Variants in ACSM3 observed in about 807,000 individuals in gnomAD.
The protein encoded by ACSM3 is acyl-coenzyme A synthetase ACSM3, mitochondrial.
A neutral mutation model predicts 74.1 loss-of-function variants in ACSM3; 61 were observed. That is an observed-to-expected ratio of 0.82 (90% CI 0.67 to 1.02). ACSM3 has a LOEUF of 1.02. Among genes scored for constraint, ACSM3 ranks in the 50% least tolerant of loss-of-function variants. The pLI is 0.00. For missense variants in ACSM3, 660 were observed against 697.0 expected (o/e 0.95, Z 0.60); for synonymous variants, 213 against 241.5 (o/e 0.88, Z 1.09).
chr16:20,694,742 G>A (rs141728957), intron 1 of ACSM3, among the ~76,000 whole-genome samples: 24 of 152,258 alleles, frequency 1.6e-4, no homozygotes, highest in African/African-American at 3.8e-4. Flanking sequence ...GGTGAAGTAC[G>A]AACCCCAATA....
At chr16:20,695,619 CCTAT>C (rs1396053136) in intron 1 of ACSM3, among the ~76,000 whole-genome samples, 6 of 151,978 alleles carry the variant, frequency 3.9e-5, no homozygotes, top group South Asian at 4.2e-4. Flanking sequence ...CTATCTATTA[CCTAT>C]CTATTATGTA....
intron 1 of ACSM3, among the ~76,000 whole-genome samples, chr16:20,697,151 C>T (rs373821486): frequency 6.6e-6 from 1 of 152,144 alleles, no homozygotes; most frequent in African/African-American, 2.4e-5. Flanking sequence ...TAGCTCACTG[C>T]AGCCTCAATC....
chr16:20,750,178 CAT>C (rs1295430176), intron 2 of ACSM3, among the ~76,000 whole-genome samples: 1 of 152,216 alleles, frequency 6.6e-6, no homozygotes, highest in Admixed American at 6.5e-5. Context: ...AAACTAGTTA[CAT>C]ATATCTATCC....
intron 1 of ACSM3, among the ~76,000 whole-genome samples, chr16:20,722,891 T>C (rs902867480): frequency 2.0e-5 from 3 of 152,210 alleles, no homozygotes; most frequent in Non-Finnish European, 4.4e-5. Flanking sequence ...GTTTTCTTTT[T>C]ATTAGTATTA....
chr16:20,745,591 A>C (rs866740674), intron 1 of ACSM3, among the ~76,000 whole-genome samples: 553 of 55,300 alleles, frequency 0.01, 3 homozygotes, highest in African/African-American at 0.018. Context: ...ATAAATAAAT[A>C]AATAAATAAA....
At chr16:20,736,855 C>G in intron 1 of ACSM3, 2 of 1,605,072 alleles carry the variant, frequency 1.2e-6, no homozygotes, top group Non-Finnish European at 1.7e-6. Context: ...AGGTGAGAAA[C>G]CCACCTCCAA....
intron 1 of ACSM3, among the ~76,000 whole-genome samples, chr16:20,747,023 G>A (rs2079960676): frequency 6.6e-6 from 1 of 151,962 alleles, no homozygotes; most frequent in African/African-American, 2.4e-5. Flanking sequence ...ACTCCTTTGA[G>A]ATTTGGTTGA....
chr16:20,745,228 G>A (rs1347905939), intron 1 of ACSM3, among the ~76,000 whole-genome samples: 1 of 152,098 alleles, frequency 6.6e-6, no homozygotes, highest in Non-Finnish European at 1.5e-5. Context: ...CCCAGACATG[G>A]ACAATGGCCC....
chr16:20,718,005 G>GAAGA (rs1275618768), intron 1 of ACSM3, among the ~76,000 whole-genome samples: 1 of 147,706 alleles, frequency 6.8e-6, no homozygotes, highest in African/African-American at 2.6e-5. Context: ...AGAAGAAGAA[G>GAAGA]AAGAAGAAGA....
chr16:20,739,508 G>A (rs973798994), intron 1 of ACSM3, among the ~76,000 whole-genome samples: 2 of 152,050 alleles, frequency 1.3e-5, no homozygotes, highest in Non-Finnish European at 2.9e-5. Context: ...TTACGAAGCT[G>A]GGACACCACA....
intron 1 of ACSM3, among the ~76,000 whole-genome samples, chr16:20,712,316 A>C (rs2152378766): frequency 6.6e-6 from 1 of 152,124 alleles, no homozygotes; most frequent in South Asian, 2.1e-4. Context: ...AAGTTTGCCA[A>C]CTCCTGCCCT....
intron 1 of ACSM3, among the ~76,000 whole-genome samples, chr16:20,713,982 T>C (rs956464113): frequency 4.6e-5 from 7 of 152,206 alleles, no homozygotes; most frequent in African/African-American, 1.4e-4. Flanking sequence ...AAGGAGTTCA[T>C]TTTAAGGCTT....
chr16:20,755,092 C>G (rs2080018766), intron 2 of ACSM3, among the ~76,000 whole-genome samples: 1 of 152,150 alleles, frequency 6.6e-6, no homozygotes, highest in African/African-American at 2.4e-5. Context: ...CTCCTTGCAA[C>G]TCAGGTGTCA....
chr16:20,722,455 CATT>C (rs1047021599), intron 1 of ACSM3, among the ~76,000 whole-genome samples: 1 of 152,114 alleles, frequency 6.6e-6, no homozygotes, highest in Non-Finnish European at 1.5e-5. Flanking sequence ...AGCTCTAAAA[CATT>C]AGTATTTCTC....
At chr16:20,674,415 T>C, upstream of ACSM3, 1 of 199,262 alleles carries the variant, frequency 5.0e-6, no homozygotes, top group South Asian at 7.1e-5. Context: ...CTCACTTCTG[T>C]AATATGCTTC....
At chr16:20,705,935 A>G (rs1450947037) in intron 1 of ACSM3, among the ~76,000 whole-genome samples, 1 of 152,192 alleles carries the variant, frequency 6.6e-6, no homozygotes, top group Admixed American at 6.5e-5. Flanking sequence ...TATTACTCTA[A>G]ATTAAAAATG....
chr16:20,747,849 G>A (rs2079964314), intron 1 of ACSM3, among the ~76,000 whole-genome samples: 1 of 152,224 alleles, frequency 6.6e-6, no homozygotes, highest in African/African-American at 2.4e-5. Flanking sequence ...TAGTGTACAT[G>A]TAAGAGTCTA....
chr16:20,770,244 T>C lies in ACSM3; in HGVS notation c.210T>C (p.Asp70=). 1 of 1,613,860 alleles carries C rather than the reference T, an allele frequency of 6.2e-7. No homozygotes were observed. Residue 70 remains aspartate, a synonymous_variant, in exon 2 of 14, where the codon GAT becomes GAC. Coordinates refer to ENST00000289416, the MANE Select transcript of ACSM3 (RefSeq NM_005622.4). ...FAKDVLDQWT[D]KEKAGKKPSN... is the part of the protein sequence containing the mutation. The stretch of plus-strand genomic sequence containing the variant: ...AAGATGTCCTGGACCAATGGACTGA[T>C]AAGGAAAAGGTATGGGGGGAGGGCC...
intron 7 of ACSM3, chr16:20,783,349 CA>C (rs2080395141): frequency 6.6e-6 from 1 of 152,150 alleles, no homozygotes; most frequent in Non-Finnish European, 1.5e-5. Context: ...ATCCCTTATC[CA>C]AAATGCTTGA....
Sources: gnomAD v4.1 joint callset for allele counts (sites outside exome capture counted in the v4.1 genomes callset) on GRCh38, gnomAD v4.1.1 for gene constraint, MANE v1.5 for transcripts, NCBI Gene and HGNC (gene_info 2026-07-23, HGNC 2026-07-21) for gene names.